Variants in EPS8 observed in about 807,000 individuals in gnomAD.
EPS8 encodes epidermal growth factor receptor kinase substrate 8.
A neutral mutation model predicts 103.8 loss-of-function variants in EPS8; 42 were observed. That is an observed-to-expected ratio of 0.40 (90% CI 0.32 to 0.52). The LOEUF is 0.52. EPS8 is among the 20% of genes least tolerant of loss of function. The pLI, the probability that EPS8 is intolerant of heterozygous loss-of-function variation, is 0.40. For missense variants in EPS8, 969 were observed against 1,005.1 expected (o/e 0.96, Z 0.49); for synonymous variants, 344 against 344.6 (o/e 1.00, Z 0.02).
intron 1 of EPS8, among the ~76,000 whole-genome samples, chr12:15,754,934 A>C (rs1212102189): frequency 6.6e-6 from 1 of 152,164 alleles, no homozygotes; most frequent in Non-Finnish European, 1.5e-5. Flanking sequence ...CCACTTCTCC[A>C]AGGTAGAAAG....
rs1946195798 is a variant in EPS8 at position 15,693,058 on chromosome 12, T to C, written c.-21-10086A>G. On this transcript the variant is annotated intron_variant, in intron 1 of 20. Coordinates refer to ENST00000281172, the MANE Select transcript of EPS8 (RefSeq NM_004447.6). The surrounding 1 kb of genome is among the most constrained non-coding windows in gnomAD (Gnocchi z 5.6). ...TACTGGTTATTACTCATATTGAAGA[T>C]GAAGCCCTAAAAAGGTGGCAAGAAA... Among the ~76,000 whole-genome samples, 1 of 152,194 alleles carries C rather than the reference T, an allele frequency of 6.6e-6. No individual in the cohort carries two copies. Among genetic ancestry groups the C allele is most frequent in the African/African-American group, 2.4e-5 (1 of 41,454 alleles).
chr12:15,636,665 TA>T (rs1465377318), intron 17 of EPS8, among the ~76,000 whole-genome samples: 1 of 152,214 alleles, frequency 6.6e-6, no homozygotes, highest in African/African-American at 2.4e-5. Flanking sequence ...TGTAAGGGTA[TA>T]AAAATAAGAG....
chr12:15,647,210 G>A lies in EPS8; in HGVS notation c.1485C>T (p.Ser495=). The A allele has an allele frequency of 6.2e-7, 1 of 1,613,806 alleles. No homozygotes were observed. The highest frequency in any genetic ancestry group is 1.7e-4 in the Middle Eastern group (1 of 6,060). Residue 495 remains serine (S), a synonymous_variant, in exon 15 of 21, where the codon AGC becomes AGT. Coordinates refer to ENST00000281172, the MANE Select transcript of EPS8 (RefSeq NM_004447.6). ...GGTGGGATCCTCTTGTGTAAATGTT[G>A]CTACTGAACGCATAGCCATCGGCTG... ...YHPADGYAFS[S]NIYTRGSHLD...
chr12:15,634,373 C>T (rs564901437), intron 17 of EPS8, among the ~76,000 whole-genome samples: 18 of 152,218 alleles, frequency 1.2e-4, no homozygotes, highest in Admixed American at 1.2e-3. Flanking sequence ...ATTAATAGAC[C>T]TCATAGGAAA....
intron 1 of EPS8, among the ~76,000 whole-genome samples, chr12:15,743,388 T>G (rs1946844274): frequency 6.6e-6 from 1 of 152,212 alleles, no homozygotes; most frequent in African/African-American, 2.4e-5. Flanking sequence ...CCAATGACTT[T>G]CTTCACAGAA....
Position 15,776,904 on chromosome 12 carries a change from A to G in EPS8, c.-22+12257T>C, listed in dbSNP as rs908741471. 1.3e-5 allele frequency among the ~76,000 whole-genome samples: 2 copies of G among 152,160 alleles called. No homozygotes were observed. The highest frequency in any genetic ancestry group is 4.8e-5 in the African/African-American group (2 of 41,438). ...CATATTTCCCAGTAATGATAGTTTG[A>G]TTTTATCAATGCCTTTGAAAACCAT... is the stretch of plus-strand genomic sequence containing the variant. On this transcript the variant is annotated intron_variant, in intron 1 of 20. Coordinates refer to ENST00000281172, the MANE Select transcript of EPS8 (RefSeq NM_004447.6). The surrounding 1 kb of genome is among the most constrained non-coding windows in gnomAD (Gnocchi z 4.2).
At chr12:15,783,261 C>A (rs1947277860) in intron 1 of EPS8, among the ~76,000 whole-genome samples, 1 of 152,050 alleles carries the variant, frequency 6.6e-6, no homozygotes, top group African/African-American at 2.4e-5. Flanking sequence ...ATAAAATTTT[C>A]TTTTCTGTAG....
chr12:15,680,383 C>T (rs958198254), intron 3 of EPS8, among the ~76,000 whole-genome samples: 1 of 152,064 alleles, frequency 6.6e-6, no homozygotes, highest in African/African-American at 2.4e-5. Context: ...TTTCTACTTG[C>T]CAAGAACAGT....
intron 1 of EPS8, among the ~76,000 whole-genome samples, chr12:15,774,251 C>T (rs1258009433): frequency 6.6e-6 from 1 of 151,782 alleles, no homozygotes; most frequent in African/African-American, 2.4e-5. Flanking sequence ...AAAAGAGGTG[C>T]CTGTATGCTA....
intron 1 of EPS8, among the ~76,000 whole-genome samples, chr12:15,703,622 A>G (rs2135941906): frequency 6.6e-6 from 1 of 151,980 alleles, no homozygotes; most frequent in African/African-American, 2.4e-5. Context: ...GGGGCCTTGT[A>G]GAGCATATAA....
chr12:15,661,140 TA>T (rs1211450439), intron 9 of EPS8, among the ~76,000 whole-genome samples: 1 of 152,198 alleles, frequency 6.6e-6, no homozygotes, highest in Admixed American at 6.5e-5. Flanking sequence ...TTCATGGAAT[TA>T]AAGGTATACA....
At chr12:15,627,001 T>C (rs1944958294) in intron 18 of EPS8, among the ~76,000 whole-genome samples, 5 of 152,228 alleles carry the variant, frequency 3.3e-5, no homozygotes, top group African/African-American at 9.6e-5. Flanking sequence ...TAGTTTTGTC[T>C]ATCATCTTTT....
rs1944840818 is a variant in EPS8 at position 15,620,225 on chromosome 12, T to C, written c.*1092A>G. ...GCTGACTCATGTGAAAAAGGCACTATGAAAATTAATGAATCTAGATAATTT... is the reference window on the plus strand; with the variant it reads ...GCTGACTCATGTGAAAAAGGCACTACGAAAATTAATGAATCTAGATAATTT... On this transcript the variant is annotated 3_prime_UTR_variant, in exon 21 of 21. Coordinates refer to ENST00000281172, the MANE Select transcript of EPS8 (RefSeq NM_004447.6). 1 of 152,652 alleles carries C rather than the reference T, an allele frequency of 6.6e-6. No homozygotes were observed. The highest frequency in any genetic ancestry group is 2.1e-4 in the South Asian group (1 of 4,832). The allele number at this position is 152,652 out of a possible 1,614,324, so 9.5% of individuals were successfully genotyped here. A position where few individuals can be genotyped will look rare whatever the true frequency, so the allele number is the denominator to read the frequency against.
intron 3 of EPS8, among the ~76,000 whole-genome samples, chr12:15,678,957 G>T (rs1474779689): frequency 6.7e-6 from 1 of 149,960 alleles, no homozygotes; most frequent in African/African-American, 2.5e-5. Context: ...TCATTCCTTG[G>T]ATCTAAGATT....
rs1048907376 is a variant in EPS8 at position 15,764,510 on chromosome 12, A to G, written c.-22+24651T>C. Among the ~76,000 whole-genome samples the G allele has an allele frequency of 2.0e-5, 3 of 152,238 alleles. No homozygotes were observed. Among genetic ancestry groups the G allele is most frequent in the African/African-American group, 7.2e-5 (3 of 41,472 alleles). On this transcript the variant is annotated intron_variant, in intron 1 of 20. Coordinates refer to ENST00000281172, the MANE Select transcript of EPS8 (RefSeq NM_004447.6). The surrounding 1 kb of genome is among the most constrained non-coding windows in gnomAD (Gnocchi z 4.1). ...CCAGAACCGAGGACTGATTTTATGTAAACTGTAAAACCAACAGGCCTTTGA... is the reference window on the plus strand; with the variant it reads ...CCAGAACCGAGGACTGATTTTATGTGAACTGTAAAACCAACAGGCCTTTGA...
intron 18 of EPS8, among the ~76,000 whole-genome samples, chr12:15,628,382 C>G (rs1408183754): frequency 6.6e-6 from 1 of 152,168 alleles, no homozygotes; most frequent in African/African-American, 2.4e-5. Context: ...CTAACATGTT[C>G]CTGGGCTTTT....
At chr12:15,655,494 G>A (rs141013188) in intron 12 of EPS8, among the ~76,000 whole-genome samples, 66 of 152,252 alleles carry the variant, frequency 4.3e-4, no homozygotes, top group Non-Finnish European at 8.5e-4. Context: ...CAGTGGTACT[G>A]GAATGAATGA....
intron 1 of EPS8, among the ~76,000 whole-genome samples, chr12:15,705,786 A>G (rs1225967915): frequency 6.6e-6 from 1 of 152,164 alleles, no homozygotes; most frequent in Non-Finnish European, 1.5e-5. Context: ...ACTGTTCAAA[A>G]CTTCCAACTC....
chr12:15,623,244 A>C lies in EPS8; in HGVS notation c.2269T>G (p.Ser757Ala). 1 of 1,613,006 alleles carries C rather than the reference A, an allele frequency of 6.2e-7. No homozygotes were observed. Among genetic ancestry groups the C allele is most frequent in the East Asian group, 2.2e-5 (1 of 44,848 alleles). ...GTCCTCAGTTCATCCTTATTGAGAGAGAAAAGTTGTGCACCATTTAATACT... is the reference window on the plus strand; with the variant it reads ...GTCCTCAGTTCATCCTTATTGAGAGCGAAAAGTTGTGCACCATTTAATACT... The part of the protein sequence containing the change: ...LGVLNGAQLF[S>A]LNKDELRTVC... The change falls in exon 20 of 21, where the codon TCT becomes GCT. Residue 757 changes from serine (S) to alanine (A), a missense_variant. By Grantham distance (99) the Ser-to-Ala change is moderately conservative. Transcript: ENST00000281172.
Sources: gnomAD v4.1 joint callset for allele counts (sites outside exome capture counted in the v4.1 genomes callset) on GRCh38, gnomAD v4.1.1 for gene constraint, Gnocchi (gnomAD v3.1) non-coding constraint, MANE v1.5 for transcripts, NCBI Gene and HGNC (gene_info 2026-07-23, HGNC 2026-07-21) for gene names.